RANBP2: variants seen among roughly 807,000 people sequenced by gnomAD.
RANBP2 encodes E3 SUMO-protein ligase RanBP2.
A neutral mutation model predicts 303.6 loss-of-function variants in RANBP2; 57 were observed. The observed-to-expected ratio is 0.19, with a 90% confidence interval of 0.15 to 0.23. The LOEUF (loss-of-function observed/expected upper bound fraction) is 0.23, where lower values mean the gene tolerates loss of function less well. Among genes scored for constraint, RANBP2 ranks in the 10% least tolerant of loss-of-function variants. The pLI, the probability that RANBP2 is intolerant of heterozygous loss-of-function variation, is 1.00. For synonymous variants in RANBP2, 1,167 were observed against 1,301.5 expected, an observed-to-expected ratio of 0.90 and a Z score of 2.23; for missense variants, 3,138 against 3,780.8, an observed-to-expected ratio of 0.83 and a Z score of 4.46.
chr2:109,023,142 T>C, the RANBP2 span, among the ~76,000 whole-genome samples: 3 of 152,232 alleles, frequency 2.0e-5, no homozygotes, highest in Non-Finnish European at 2.9e-5. Context: ...TCTGCGCTCT[T>C]AAGCAAAACA....
chr2:109,438,958 G>T, the RANBP2 span, among the ~76,000 whole-genome samples: 3 of 152,172 alleles, frequency 2.0e-5, no homozygotes, highest in African/African-American at 7.2e-5. Context: ...ACTAGAAAGG[G>T]TGAGTGGCCC....
chr2:108,980,752 G>A, the RANBP2 span, among the ~76,000 whole-genome samples: 20 of 152,088 alleles, frequency 1.3e-4, no homozygotes, highest in African/African-American at 1.9e-4. Context: ...GAACAAATGC[G>A]GCAGCCCTGA....
the RANBP2 span, among the ~76,000 whole-genome samples, chr2:109,211,082 T>G: frequency 6.6e-6 from 1 of 152,188 alleles, no homozygotes; most frequent in Non-Finnish European, 1.5e-5. Flanking sequence ...CACACCTTTT[T>G]GGTTAATATG....
At chr2:109,022,559 A>G in the RANBP2 span, among the ~76,000 whole-genome samples, 1 of 152,220 alleles carries the variant, frequency 6.6e-6, no homozygotes, top group Admixed American at 6.5e-5. Context: ...ATGTGTACAC[A>G]TGGACATGGA....
the RANBP2 span, among the ~76,000 whole-genome samples, chr2:109,516,312 T>C: frequency 6.6e-6 from 1 of 152,176 alleles, no homozygotes; most frequent in Non-Finnish European, 1.5e-5. Context: ...TCACTGATGG[T>C]GCTGTCTTAG....
the RANBP2 span, among the ~76,000 whole-genome samples, chr2:109,307,692 C>G: frequency 3.4e-5 from 5 of 146,848 alleles, no homozygotes; most frequent in African/African-American, 1.3e-4. Flanking sequence ...TTTGCTCTTG[C>G]GATAGTTTAC....
At chr2:109,413,521 C>T in the RANBP2 span, among the ~76,000 whole-genome samples, 1 of 152,138 alleles carries the variant, frequency 6.6e-6, no homozygotes, top group Non-Finnish European at 1.5e-5. Flanking sequence ...TGTCTGTCTA[C>T]CTCTGTCTCT....
At chr2:108,874,564 A>G in the RANBP2 span, among the ~76,000 whole-genome samples, 13,387 of 152,172 alleles carry the variant, frequency 0.088, 809 homozygotes, top group African/African-American at 0.16. Context: ...CCCCTCATCC[A>G]TGATTCCCGT....
the RANBP2 span, among the ~76,000 whole-genome samples, chr2:109,435,755 G>A: frequency 1.3e-5 from 2 of 152,218 alleles, no homozygotes; most frequent in South Asian, 4.1e-4. Flanking sequence ...TCATTTGTGA[G>A]CCCACTTTAT....
At chr2:109,546,517 C>T in the RANBP2 span, among the ~76,000 whole-genome samples, 6 of 151,912 alleles carry the variant, frequency 3.9e-5, no homozygotes, top group East Asian at 9.7e-4. Context: ...TTTATTTTCT[C>T]GGTGTGTATT....
chr2:109,271,821 A>G, the RANBP2 span, among the ~76,000 whole-genome samples: 8 of 152,330 alleles, frequency 5.3e-5, no homozygotes, highest in East Asian at 1.3e-3. Context: ...TGCTGTACAA[A>G]TCTGAATTGA....
the RANBP2 span, among the ~76,000 whole-genome samples, chr2:108,986,667 A>C: frequency 6.6e-6 from 1 of 152,252 alleles, no homozygotes; most frequent in Non-Finnish European, 1.5e-5. Flanking sequence ...TAGAGAAGAC[A>C]TTCATGACAA....
chr2:108,768,335 C>T lies in RANBP2; in HGVS notation c.7796C>T (p.Ser2599Phe). 1.9e-6 allele frequency: 3 copies of T among 1,611,962 alleles called. No individual in the cohort carries two copies. The highest frequency in any genetic ancestry group is 1.3e-5 in the African/African-American group (1 of 74,968). Residue 2599 changes from serine to phenylalanine, a missense_variant, in exon 20 of 29, where the codon TCC (serine) becomes TTC (phenylalanine). Physicochemically the swap from Ser to Phe is radical, Grantham distance 155. Around this residue, in one of 20 missense-constraint regions of RANBP2, gnomAD observed 497 missense variants for 465.8 expected, o/e 1.07. Transcript: ENST00000283195. ...SDSKVKNLFA[S>F]FPTEESSINY... ...AGCAAAGTCAAAAATCTCTTTGCTTCCTTTCCAACGGAAGAATCTTCAATC... is the reference window on the plus strand; with the variant it reads ...AGCAAAGTCAAAAATCTCTTTGCTTTCTTTCCAACGGAAGAATCTTCAATC...
chr2:109,430,021 A>G, the RANBP2 span, among the ~76,000 whole-genome samples: 1 of 152,182 alleles, frequency 6.6e-6, no homozygotes, highest in Non-Finnish European at 1.5e-5. Flanking sequence ...CACCTTGCCT[A>G]CCAGCCCAGG....
the RANBP2 span, among the ~76,000 whole-genome samples, chr2:109,198,905 C>G: frequency 2.6e-5 from 4 of 152,134 alleles, no homozygotes; most frequent in South Asian, 2.1e-4. Flanking sequence ...CAAATGTTTG[C>G]GTAGCTAAAT....
At chr2:108,995,689 G>C in the RANBP2 span, among the ~76,000 whole-genome samples, 1 of 152,182 alleles carries the variant, frequency 6.6e-6, no homozygotes, top group Non-Finnish European at 1.5e-5. Context: ...GCGTGCTTCA[G>C]AACTGTCCAA....
chr2:108,890,141 T>C, the RANBP2 span, among the ~76,000 whole-genome samples: 2 of 151,912 alleles, frequency 1.3e-5, no homozygotes, highest in East Asian at 1.9e-4. Context: ...TTTTTTTTTT[T>C]TTCTTCTCAG....
the RANBP2 span, among the ~76,000 whole-genome samples, chr2:109,659,773 C>T: frequency 6.6e-6 from 1 of 152,322 alleles, no homozygotes; most frequent in Non-Finnish European, 1.5e-5. Flanking sequence ...TGTCTCTAGG[C>T]CCCCAGCCTA....
the RANBP2 span, among the ~76,000 whole-genome samples, chr2:108,898,470 G>A: frequency 6.6e-6 from 1 of 152,182 alleles, no homozygotes; most frequent in African/African-American, 2.4e-5. Context: ...ATCAAAAGGA[G>A]CCAGCTAAAA....
Sources: gnomAD v4.1 joint callset for allele counts (sites outside exome capture counted in the v4.1 genomes callset) on GRCh38, gnomAD v4.1.1 for gene constraint, gnomAD v4.1.1 regional missense constraint, MANE v1.5 for transcripts, NCBI Gene and HGNC (gene_info 2026-07-23, HGNC 2026-07-21) for gene names.